ANKS1A: variants seen among roughly 807,000 people sequenced by gnomAD.
ANKS1A encodes the protein ankyrin repeat and SAM domain-containing protein 1A.
ANKS1A carries 55 observed loss-of-function variants against 120.3 expected under a neutral mutation model. The observed-to-expected ratio is 0.46, with a 90% CI of 0.37 to 0.57. ANKS1A has a LOEUF of 0.57. ANKS1A is among the 20% of genes least tolerant of loss of function. The pLI, the probability that ANKS1A is intolerant of heterozygous loss-of-function variation, is 0.00. For missense variants in ANKS1A, 1,123 were observed against 1,480.3 expected, an observed-to-expected ratio of 0.76 and a Z score of 3.96; for synonymous variants, 590 against 604.7, an observed-to-expected ratio of 0.98 and a Z score of 0.36.
chr6:35,004,585 C>T lies in ANKS1A; in HGVS notation c.1423+10163C>T, dbSNP rs527836264. ...ATAAATAAAATGTTAAGGTTCTTCT[C>T]ACCTCCCTGTTACTCATAGTTGCTA... is the stretch of plus-strand genomic sequence containing the variant. On this transcript the variant is annotated intron_variant, in intron 10 of 23. Coordinates refer to ENST00000360359, the MANE Select transcript of ANKS1A (RefSeq NM_015245.3). Among the ~76,000 whole-genome samples the T allele has an allele frequency of 2.2e-4, 34 of 152,204 alleles. No homozygotes were observed. In the South Asian group the frequency reaches 5.8e-3, roughly 26 times the overall value.
At chr6:35,097,035 ATT>A in the ANKS1A span, among the ~76,000 whole-genome samples, 95,801 of 150,240 alleles carry the variant, frequency 0.64, 30,532 homozygotes, top group Middle Eastern at 0.78. Context: ...ATTCCAGCCA[ATT>A]TTTTTTTTTT....
At position 34,994,323 on chromosome 6, in the gene ANKS1A, A is replaced by G; in HGVS notation, c.1324A>G (p.Ile442Val). The change falls in exon 10 of 24, where the codon ATT (isoleucine) becomes GTT (valine). Residue 442 changes from isoleucine (I) to valine (V), a missense_variant. Physicochemically the swap from Ile to Val is conservative, Grantham distance 29. Coordinates refer to ENST00000360359, the MANE Select transcript of ANKS1A (RefSeq NM_015245.3). The part of the protein sequence containing the change: ...ASEVLSMRPR[I>V]HGSAAREEDE... ...TTAGGTTCTGTCCATGAGACCTAGGATTCATGGGAGTGCAGCCCGGGAAGA... is the reference window on the plus strand; with the variant it reads ...TTAGGTTCTGTCCATGAGACCTAGGGTTCATGGGAGTGCAGCCCGGGAAGA... The G allele has an allele frequency of 3.1e-6, 5 of 1,613,596 alleles. No homozygotes were observed. The highest frequency in any genetic ancestry group is 4.2e-6 in the Non-Finnish European group (5 of 1,179,604).
rs1777916633 is a variant in ANKS1A at position 35,085,578 on chromosome 6, T to C, written c.3133-188T>C. On this transcript the variant is annotated intron_variant, in intron 21 of 23. Transcript: ENST00000360359. This position sits in a 1 kb window ranked among gnomAD's most constrained non-coding sequence, Gnocchi z 4.7. ...CGCAGCCCAGCTCCCGGCCACATCC[T>C]GTGTAGAGCGGGAAGAACAACAGAG... Among the ~76,000 whole-genome samples the C allele has an allele frequency of 6.6e-6, 1 of 151,168 alleles. No individual in the cohort carries two copies. Among genetic ancestry groups the C allele is most frequent in the African/African-American group, 2.4e-5 (1 of 41,278 alleles).
At chr6:34,936,663 G>C (rs1769270349) in intron 1 of ANKS1A, among the ~76,000 whole-genome samples, 1 of 152,052 alleles carries the variant, frequency 6.6e-6, no homozygotes, top group South Asian at 2.1e-4. Flanking sequence ...CTACAAGAAG[G>C]CTCTAATACA....
intron 1 of ANKS1A, among the ~76,000 whole-genome samples, chr6:34,936,374 C>T (rs1009711308): frequency 2.6e-5 from 4 of 152,140 alleles, no homozygotes; most frequent in Admixed American, 2.6e-4. Flanking sequence ...CCTTTTTTGC[C>T]TTTGTAGCAG....
At chr6:35,093,335 AATAAAT>A (rs1440276576), downstream of ANKS1A, among the ~76,000 whole-genome samples, 2 of 152,302 alleles carry the variant, frequency 1.3e-5, no homozygotes, top group Non-Finnish European at 2.9e-5. Context: ...CTTATGCCAA[AATAAAT>A]TCCAGATGGC....
rs1778261567 is a variant in ANKS1A, at chr6:35,090,829, G to A, written c.*2220G>A. 1.0e-6 allele frequency: 1 copy of A among 985,902 alleles called. No homozygotes were observed. The highest frequency in any genetic ancestry group is 4.7e-5 in the South Asian group (1 of 21,304). The allele number at this position is 985,902 out of a possible 1,614,324, so 61.1% of individuals were successfully genotyped here. On this transcript the variant is annotated 3_prime_UTR_variant, in exon 24 of 24. Coordinates refer to ENST00000360359, the MANE Select transcript of ANKS1A (RefSeq NM_015245.3). ...GGGTGGGAGACTTCAGATGGGCTCA[G>A]TACCTGTCCCAGCCACAGGCTTCTT...
intron 1 of ANKS1A, among the ~76,000 whole-genome samples, chr6:34,963,310 T>G (rs1770743836): frequency 6.6e-6 from 1 of 152,204 alleles, no homozygotes; most frequent in Admixed American, 6.5e-5. Flanking sequence ...GTAACCACCA[T>G]TCTATGCTCT....
intron 10 of ANKS1A, among the ~76,000 whole-genome samples, chr6:35,003,332 G>A (rs561404293): frequency 1.3e-5 from 2 of 152,222 alleles, no homozygotes; most frequent in East Asian, 3.9e-4. Context: ...TGACTATTCT[G>A]GCCCGGCAAG....
intron 11 of ANKS1A, among the ~76,000 whole-genome samples, chr6:35,041,156 G>T (rs1775436520): frequency 6.6e-6 from 1 of 152,204 alleles, no homozygotes; most frequent in South Asian, 2.1e-4. Context: ...TAATAAACTA[G>T]CTCTTTCCTT....
intron 13 of ANKS1A, among the ~76,000 whole-genome samples, chr6:35,062,893 G>T (rs1776585118): frequency 6.6e-6 from 1 of 152,202 alleles, no homozygotes; most frequent in African/African-American, 2.4e-5. Context: ...GTCAAAATCT[G>T]TTTCCTGTGG....
At position 35,090,474 on chromosome 6, in the gene ANKS1A, C is replaced by T. The variant is rs1778242574; in HGVS notation, c.*1865C>T. The T allele has an allele frequency of 1.8e-6, 2 of 1,135,484 alleles. No homozygotes were observed. Among genetic ancestry groups the T allele is most frequent in the Non-Finnish European group, 2.2e-6 (2 of 913,634 alleles). 70.3% of individuals were successfully genotyped at this position (1,135,484 alleles called of 1,614,324 possible). ...CTCAAGCTGTCTTTTGTGCTTAGAT[C>T]ATCCATAGGTGTTTCTTCTGCTTGA... On this transcript the variant is annotated 3_prime_UTR_variant, in exon 24 of 24. Coordinates refer to ENST00000360359, the MANE Select transcript of ANKS1A (RefSeq NM_015245.3).
rs965959583 is a variant in ANKS1A at position 35,057,268 on chromosome 6, A to G, written c.2078-2879A>G. Reference sequence around the variant, plus strand: ...TTACAGCTAACTCATCCCTGTGCCAACTCCCATTCTCAGGAGTCCAGGAGG... The same window carrying G: ...TTACAGCTAACTCATCCCTGTGCCAGCTCCCATTCTCAGGAGTCCAGGAGG... On this transcript the variant is annotated intron_variant, in intron 12 of 23. Coordinates refer to ENST00000360359, the MANE Select transcript of ANKS1A (RefSeq NM_015245.3). This position sits in a 1 kb window ranked among gnomAD's most constrained non-coding sequence, Gnocchi z 4.1. Among the ~76,000 whole-genome samples the G allele has an allele frequency of 1.3e-5, 2 of 151,914 alleles. No individual in the cohort carries two copies. Among genetic ancestry groups the G allele is most frequent in the African/African-American group, 4.8e-5 (2 of 41,358 alleles).
At chr6:35,024,349 G>A (rs1440178229) in intron 11 of ANKS1A, among the ~76,000 whole-genome samples, 2 of 152,236 alleles carry the variant, frequency 1.3e-5, no homozygotes, top group African/African-American at 4.8e-5. Flanking sequence ...GTGATGACCA[G>A]ATTAGCCTCT....
Position 34,983,385 on chromosome 6 carries a change from T to G in ANKS1A, c.972T>G (p.Pro324=). The G allele has an allele frequency of 6.2e-7, 1 of 1,612,222 alleles. No homozygotes were observed. The highest frequency in any genetic ancestry group is 8.5e-7 in the Non-Finnish European group (1 of 1,179,338). ...EVDKTPPPQP[P]LISSMDSISQ... is the part of the protein sequence containing the mutation. ...ATAAAACCCCCCCACCCCAGCCACC[T>G]CTCATCTCCAGTATGGACTCCATAT... Residue 324 remains proline (P), a synonymous_variant, in exon 7 of 24, where the codon CCT becomes CCG. Coordinates refer to ENST00000360359, the MANE Select transcript of ANKS1A (RefSeq NM_015245.3).
chr6:35,074,446 A>G (rs1417331207), intron 13 of ANKS1A, among the ~76,000 whole-genome samples: 1 of 152,092 alleles, frequency 6.6e-6, no homozygotes, highest in Non-Finnish European at 1.5e-5. Context: ...CAAAAAAAAA[A>G]AATAGCCAGG....
intron 11 of ANKS1A, among the ~76,000 whole-genome samples, chr6:35,051,419 A>AT (rs1775959076): frequency 6.6e-6 from 1 of 152,174 alleles, no homozygotes. Flanking sequence ...ATGTTAAGTG[A>AT]TTATGGTGAT....
rs188219978 is a variant in ANKS1A at position 35,063,611 on chromosome 6, G to A, written c.2184+3358G>A. ...TGAAAAAGAAAACATGTATGCATAG[G>A]AGGTGCAAGGGAGTGAGCCAAGATG... is the stretch of plus-strand genomic sequence containing the variant. On this transcript the variant is annotated intron_variant, in intron 13 of 23. Transcript: ENST00000360359. Among the ~76,000 whole-genome samples the A allele has an allele frequency of 1.2e-4, 19 of 152,348 alleles. No individual in the cohort carries two copies. The East Asian group carries it at 3.5e-3, about 28-fold the overall frequency.
chr6:34,996,303 G>A (rs949989585), intron 10 of ANKS1A, among the ~76,000 whole-genome samples: 13 of 152,048 alleles, frequency 8.5e-5, no homozygotes, highest in African/African-American at 3.1e-4. Context: ...TTATTATTGA[G>A]TTGTGAATTC....
Sources: gnomAD v4.1 joint callset for allele counts (sites outside exome capture counted in the v4.1 genomes callset) on GRCh38, gnomAD v4.1.1 for gene constraint, Gnocchi (gnomAD v3.1) non-coding constraint, MANE v1.5 for transcripts, NCBI Gene and HGNC (gene_info 2026-07-23, HGNC 2026-07-21) for gene names.